STK32B: variants seen among roughly 807,000 people sequenced by gnomAD.
The protein encoded by STK32B is serine/threonine-protein kinase 32B.
A neutral mutation model predicts 52.6 loss-of-function variants in STK32B; 43 were observed. The observed-to-expected ratio is 0.82, with a 90% CI of 0.64 to 1.05. STK32B has a LOEUF of 1.05. Ranked by LOEUF, STK32B falls within the 50% of genes least tolerant of loss-of-function variation. The pLI is 0.00. For missense variants in STK32B, 621 were observed against 534.6 expected (o/e 1.16, Z -1.59); for synonymous variants, 238 against 204.3 (o/e 1.17, Z -1.41).
chr4:5,138,289 T>C (rs1291855768), intron 1 of STK32B, among the ~76,000 whole-genome samples: 2 of 152,226 alleles, frequency 1.3e-5, no homozygotes, highest in Admixed American at 6.5e-5. Flanking sequence ...AGCATAATTA[T>C]CCTCCATTGC....
intron 3 of STK32B, among the ~76,000 whole-genome samples, chr4:5,187,989 A>G (rs566054480): frequency 8.5e-5 from 13 of 152,310 alleles, no homozygotes; most frequent in African/African-American, 3.1e-4. Flanking sequence ...GTACCCCTTG[A>G]AAGCCTCAGT....
At chr4:5,113,856 A>G (rs974560580) in intron 1 of STK32B, among the ~76,000 whole-genome samples, 1 of 152,196 alleles carries the variant, frequency 6.6e-6, no homozygotes, top group African/African-American at 2.4e-5. Flanking sequence ...GTGGAAGGCA[A>G]GGAGGACCGA....
chr4:5,445,545 C>A (rs1213268336), intron 6 of STK32B, among the ~76,000 whole-genome samples: 2 of 152,162 alleles, frequency 1.3e-5, no homozygotes, highest in Non-Finnish European at 2.9e-5. Flanking sequence ...ACCCACCACT[C>A]AGCCCCTTGG....
chr4:5,496,178 G>T (rs1720227420), intron 11 of STK32B, among the ~76,000 whole-genome samples: 1 of 152,260 alleles, frequency 6.6e-6, no homozygotes, highest in Admixed American at 6.5e-5. Context: ...CCTGCCCCCA[G>T]AGGTGGAGCC....
At chr4:5,436,540 G>C (rs1467289686) in intron 6 of STK32B, 1 of 966,804 alleles carries the variant, frequency 1.0e-6, no homozygotes, top group Non-Finnish European at 1.2e-6. Flanking sequence ...GAGAAGGACA[G>C]ATTGGAGGTC....
intron 9 of STK32B, among the ~76,000 whole-genome samples, chr4:5,461,249 GACA>G (rs1423116789): frequency 6.6e-6 from 1 of 152,172 alleles, no homozygotes; most frequent in Admixed American, 6.5e-5. Flanking sequence ...GCAGGAAAGA[GACA>G]ACATTTGCTC....
rs1560313099 is a variant in STK32B, at chr4:5,317,181, T to TATATATAAC, written c.261-14032_261-14031insACATATATA. 1.1e-4 allele frequency among the ~76,000 whole-genome samples: 5 copies of TATATATAAC among 46,332 alleles called. 1 individual carries two copies. In the African/African-American group the frequency reaches 1.3e-3, roughly 12 times the overall value. 30.4% of individuals were successfully genotyped at this position (46,332 alleles called of 152,430 possible). A position where few individuals can be genotyped will look rare whatever the true frequency, so the allele number is the denominator to read the frequency against. On this transcript the variant is annotated intron_variant, in intron 3 of 11. Coordinates refer to ENST00000282908, the MANE Select transcript of STK32B (RefSeq NM_018401.3). ...TATTACATATATATAACATATAATA[T>TATATATAAC]ATATATATAACATATATATATTATA...
intron 1 of STK32B, among the ~76,000 whole-genome samples, chr4:5,130,249 G>T (rs1715674854): frequency 6.6e-6 from 1 of 151,958 alleles, no homozygotes; most frequent in Non-Finnish European, 1.5e-5. Context: ...GGACAGCAGG[G>T]CAAAGGCTCT....
chr4:5,186,057 T>C (rs1353817327), intron 3 of STK32B, among the ~76,000 whole-genome samples: 2 of 152,192 alleles, frequency 1.3e-5, no homozygotes, highest in Non-Finnish European at 2.9e-5. Flanking sequence ...CCACAGGAAT[T>C]CATTCATTAA....
At chr4:5,371,490 A>G (rs1020104034) in intron 4 of STK32B, among the ~76,000 whole-genome samples, 5 of 152,160 alleles carry the variant, frequency 3.3e-5, no homozygotes, top group Non-Finnish European at 5.9e-5. Flanking sequence ...GCCTGTCTAA[A>G]GTTTGGTTAA....
At chr4:5,365,001 G>C (rs970525932) in intron 4 of STK32B, among the ~76,000 whole-genome samples, 2 of 152,042 alleles carry the variant, frequency 1.3e-5, no homozygotes, top group Non-Finnish European at 2.9e-5. Context: ...TCAGCATCCC[G>C]AGTAGCTGGG....
chr4:5,160,350 T>C (rs1449168929), intron 2 of STK32B, among the ~76,000 whole-genome samples: 1 of 152,158 alleles, frequency 6.6e-6, no homozygotes, highest in Non-Finnish European at 1.5e-5. Flanking sequence ...CTTATCCCCA[T>C]TGTACAGATG....
intron 1 of STK32B, among the ~76,000 whole-genome samples, chr4:5,122,648 CTCAT>C (rs1165546910): frequency 5.3e-5 from 8 of 152,096 alleles, no homozygotes; most frequent in Admixed American, 2.6e-4. Flanking sequence ...CACTCATTTA[CTCAT>C]TCATTCATTC....
intron 4 of STK32B, among the ~76,000 whole-genome samples, chr4:5,347,063 C>G (rs1183611863): frequency 2.6e-5 from 4 of 152,126 alleles, no homozygotes; most frequent in African/African-American, 9.7e-5. Context: ...CTAGGTCCCT[C>G]CCTATACATG....
At chr4:5,289,948 A>G (rs1389927648) in intron 3 of STK32B, among the ~76,000 whole-genome samples, 2 of 151,924 alleles carry the variant, frequency 1.3e-5, no homozygotes, top group Non-Finnish European at 2.9e-5. Context: ...TGTACAGATT[A>G]TTTCATCACC....
chr4:5,186,770 C>T (rs755448444), intron 3 of STK32B, among the ~76,000 whole-genome samples: 4 of 152,168 alleles, frequency 2.6e-5, no homozygotes, highest in Non-Finnish European at 4.4e-5. Context: ...GGTTAAGAGG[C>T]GAGGCTCTCC....
intron 4 of STK32B, among the ~76,000 whole-genome samples, chr4:5,372,192 G>T (rs778316084): frequency 1.4e-4 from 22 of 152,242 alleles, no homozygotes; most frequent in Non-Finnish European, 2.8e-4. Context: ...TCAAAGGATT[G>T]GGGACCGTGG....
At chr4:5,181,359 C>CAT (rs1272542749) in intron 3 of STK32B, among the ~76,000 whole-genome samples, 1 of 150,854 alleles carries the variant, frequency 6.6e-6, no homozygotes, top group Non-Finnish European at 1.5e-5. Flanking sequence ...CACACACACA[C>CAT]ACACACACAG....
chr4:5,102,470 T>C (rs1226391268), intron 1 of STK32B, among the ~76,000 whole-genome samples: 1 of 132,166 alleles, frequency 7.6e-6, no homozygotes, highest in African/African-American at 2.9e-5. Flanking sequence ...CCTTCCTTCC[T>C]TCCTTCCTTC....
Sources: allele counts gnomAD v4.1 joint callset (sites outside exome capture counted in the v4.1 genomes callset), GRCh38; gene constraint gnomAD v4.1.1; transcripts MANE v1.5; gene names NCBI Gene and HGNC (gene_info 2026-07-23, HGNC 2026-07-21).